The following NOS1 variants were observed in gnomAD, a reference collection of about 807,000 sequenced individuals.
NOS1 encodes nitric oxide synthase 1.
In NOS1, 51 loss-of-function variants were observed where a neutral mutation model predicts 164.5. That is an observed-to-expected ratio of 0.31 (90% CI 0.25 to 0.39). The LOEUF (loss-of-function observed/expected upper bound fraction) is 0.39. NOS1 is among the 10% of genes least tolerant of loss of function. The pLI, the probability that NOS1 is intolerant of heterozygous loss-of-function variation, is 1.00. For synonymous variants in NOS1, 719 were observed against 745.8 expected (o/e 0.96, Z 0.59); for missense variants, 1,362 against 1,885.6 (o/e 0.72, Z 5.14).
At chr12:117,225,227 G>C in intron 24 of NOS1, 90 bp from the exon 25 acceptor site, 1 of 1,500,352 alleles carries the variant, frequency 6.7e-7, no homozygotes. Context: ...GGCCATCTTC[G>C]GTAGACATAC....
intron 1 of NOS1, among the ~76,000 whole-genome samples, chr12:117,359,377 G>A (rs891839141): frequency 6.9e-6 from 1 of 145,174 alleles, no homozygotes; most frequent in Non-Finnish European, 1.5e-5. Context: ...AAATAACGGG[G>A]GAAAAAATCT....
chr12:117,294,031 A>C (rs1456779418), intron 3 of NOS1, among the ~76,000 whole-genome samples: 4 of 152,142 alleles, frequency 2.6e-5, no homozygotes, highest in Non-Finnish European at 5.9e-5. Flanking sequence ...TAGCAAACAC[A>C]TCCCTCTGAT....
intron 20 of NOS1, among the ~76,000 whole-genome samples, chr12:117,237,136 G>C (rs1033279648): frequency 2.6e-5 from 4 of 152,146 alleles, no homozygotes; most frequent in African/African-American, 9.7e-5. Flanking sequence ...TTTGTAAGTA[G>C]AGAATTTTTA....
intron 3 of NOS1, chr12:117,304,944 C>T (rs887621794): frequency 1.1e-6 from 1 of 916,134 alleles, no homozygotes; most frequent in African/African-American, 1.8e-5. Flanking sequence ...AGTTCTTCCT[C>T]ATGTCTAACC....
At chr12:117,348,924 G>C (rs112904783) in intron 1 of NOS1, among the ~76,000 whole-genome samples, 2 of 152,180 alleles carry the variant, frequency 1.3e-5, no homozygotes, top group African/African-American at 2.4e-5. Flanking sequence ...AGGGTCTGTC[G>C]TTTAGTTAAT....
intron 2 of NOS1, among the ~76,000 whole-genome samples, chr12:117,328,332 G>A (rs948980842): frequency 6.6e-6 from 1 of 151,620 alleles, no homozygotes; most frequent in African/African-American, 2.4e-5. Context: ...CATCATGCCT[G>A]GCTAATTTTG....
At chr12:117,226,944 G>T (rs758396639) in intron 23 of NOS1, among the ~76,000 whole-genome samples, 174 bp from the exon 24 acceptor site, 3 of 152,096 alleles carry the variant, frequency 2.0e-5, no homozygotes, top group Non-Finnish European at 4.4e-5. Flanking sequence ...GGGTGACTTC[G>T]TGCCTGTGCA....
chr12:117,341,269 T>C (rs73409541), intron 1 of NOS1, among the ~76,000 whole-genome samples: 1,639 of 152,234 alleles, frequency 0.011, 31 homozygotes, highest in African/African-American at 0.037. Flanking sequence ...TTGGCTCCTT[T>C]TCGGAATGCT....
intron 16 of NOS1, among the ~76,000 whole-genome samples, chr12:117,256,964 C>T (rs1025780751): frequency 3.3e-5 from 5 of 151,986 alleles, no homozygotes; most frequent in African/African-American, 7.2e-5. Flanking sequence ...CCCACCTACT[C>T]GGGAGGCTGA....
chr12:117,272,237 G>C lies in NOS1; in HGVS notation c.1839+148C>G, dbSNP rs563791932. The C allele has an allele frequency of 3.9e-5, 31 of 791,090 alleles. No homozygotes were observed. The South Asian group carries it at 4.9e-4, about 13-fold the overall frequency. 49.0% of individuals were successfully genotyped at this position (791,090 alleles called of 1,614,324 possible). A position where few individuals can be genotyped will look rare whatever the true frequency, so the allele number is the denominator to read the frequency against. On this transcript the variant is annotated intron_variant, in intron 10 of 28. Transcript: ENST00000317775. The surrounding 1 kb of genome is among the most constrained non-coding windows in gnomAD (Gnocchi z 4.3). ...GTTGTTAAAGACATGGATGCCCCTG[G>C]CATTTCCAGGGGCTTCTCTGGGATT... is the stretch of plus-strand genomic sequence containing the variant.
chr12:117,315,358 C>A (rs192336035), intron 2 of NOS1, among the ~76,000 whole-genome samples: 6 of 152,042 alleles, frequency 3.9e-5, no homozygotes, highest in African/African-American at 1.4e-4. Flanking sequence ...TACACACCAC[C>A]ACACCCAACT....
chr12:117,315,521 C>T (rs1874632016), intron 2 of NOS1, among the ~76,000 whole-genome samples: 1 of 152,168 alleles, frequency 6.6e-6, no homozygotes, highest in African/African-American at 2.4e-5. Context: ...TTTTGCTTCC[C>T]TTCACCCAGA....
rs1245774175 is a variant in NOS1 at position 117,330,778 on chromosome 12, T to A, written c.292A>T (p.Arg98Trp). The change falls in exon 2 of 29, where the codon AGG becomes TGG. Residue 98 changes from arginine (R) to tryptophan (W), a missense_variant. Coordinates refer to ENST00000317775, the MANE Select transcript of NOS1 (RefSeq NM_000620.5). The surrounding 1 kb of genome is among the most constrained non-coding windows in gnomAD (Gnocchi z 4.6). ...TGCGTGGTGAAACCTTCAGGGCCCC[T>A]CAGAATGAGGACCACGTGGGTCTCA... ...ASETHVVLIL[R>W]GPEGFTTHLE... 6.2e-7 allele frequency: 1 copy of A among 1,613,896 alleles called. No individual in the cohort carries two copies. Among genetic ancestry groups the A allele is most frequent in the Non-Finnish European group, 8.5e-7 (1 of 1,179,966 alleles).
rs1391330678 is a variant in NOS1 at position 117,272,145 on chromosome 12, G to GCAACAGTGCTT, written c.1839+229_1839+239dup. 6.6e-6 allele frequency among the ~76,000 whole-genome samples: 1 copy of GCAACAGTGCTT among 152,216 alleles called. No homozygotes were observed. Among genetic ancestry groups the GCAACAGTGCTT allele is most frequent in the Non-Finnish European group, 1.5e-5 (1 of 68,040 alleles). On this transcript the variant is annotated intron_variant, in intron 10 of 28. Transcript: ENST00000317775. This position sits in a 1 kb window ranked among gnomAD's most constrained non-coding sequence, Gnocchi z 4.3. The stretch of plus-strand genomic sequence containing the variant: ...GAGGATGAAATGAGAATGGAACACA[G>GCAACAGTGCTT]CAACAGTGCTTCGGATGCTGTTAGC...
At position 117,225,064 on chromosome 12, in the gene NOS1, G is replaced by A. The variant is rs1330414336; in HGVS notation, c.3778C>T (p.Pro1260Ser). Reference protein sequence around the residue: ...ILVGPGTGIAPFRSFWQQRQF... With the variant: ...ILVGPGTGIASFRSFWQQRQF... The stretch of plus-strand genomic sequence containing the variant: ...CGCTGTTGCCAGAAGCTTCGGAAAG[G>A]GGCAATGCCGGTGCCTGGTCCAACG... Residue 1260 changes from proline to serine, a missense_variant, in exon 25 of 29, where the codon CCT (proline) becomes TCT (serine). Physicochemically the swap from Pro to Ser is moderately conservative, Grantham distance 74. Around this residue, in one of 4 missense-constraint regions of NOS1, gnomAD observed 737 missense variants for 1,030.3 expected, o/e 0.72. Transcript: ENST00000317775. 6.2e-7 allele frequency: 1 copy of A among 1,614,092 alleles called. No individual in the cohort carries two copies. Among genetic ancestry groups the A allele is most frequent in the Non-Finnish European group, 8.5e-7 (1 of 1,180,044 alleles).
In NOS1 at chr12:117,220,137, T is replaced by G. The variant is rs544938766; in HGVS notation, c.4108A>C (p.Ile1370Leu). 2 of 1,613,974 alleles carry G rather than the reference T, an allele frequency of 1.2e-6. No homozygotes were observed. The highest frequency in any genetic ancestry group is 1.7e-6 in the Non-Finnish European group (2 of 1,179,968). Residue 1370 changes from isoleucine (I) to leucine (L), a missense_variant, in exon 27 of 29, where the codon ATC becomes CTC. Coordinates refer to ENST00000317775, the MANE Select transcript of NOS1 (RefSeq NM_000620.5). ...GAGAGCTTCCCCTGCTGGGTCATGA[T>G]GCGCTGGATGGCTTTGAGGACATCA... ...AADVLKAIQRIMTQQGKLSAE... is the reference protein window; with the variant it reads ...AADVLKAIQRLMTQQGKLSAE...
intron 1 of NOS1, among the ~76,000 whole-genome samples, chr12:117,346,957 A>AT (rs1047249919): frequency 7.2e-5 from 11 of 152,208 alleles, no homozygotes; most frequent in African/African-American, 2.6e-4. Flanking sequence ...ATACAGTTAA[A>AT]TTTTTTCCCC....
chr12:117,280,253 A>G (rs1013086587), intron 8 of NOS1, among the ~76,000 whole-genome samples: 1 of 152,190 alleles, frequency 6.6e-6, no homozygotes, highest in African/African-American at 2.4e-5. Flanking sequence ...AAGCCTACTC[A>G]AAGGCTTGGG....
At chr12:117,220,317 C>A in intron 26 of NOS1, 48 bp from the exon 27 acceptor site, 1 of 1,524,176 alleles carries the variant, frequency 6.6e-7, no homozygotes, top group Non-Finnish European at 8.8e-7. Flanking sequence ...GTGCAACGTG[C>A]CTGCCATAGC....
Sources: allele counts gnomAD v4.1 joint callset (sites outside exome capture counted in the v4.1 genomes callset), GRCh38; gene constraint gnomAD v4.1.1; regional missense constraint gnomAD v4.1.1; non-coding constraint Gnocchi (gnomAD v3.1); transcripts MANE v1.5; gene names NCBI Gene and HGNC (gene_info 2026-07-23, HGNC 2026-07-21).